THSD7B: variants seen among roughly 807,000 people sequenced by gnomAD.
THSD7B encodes thrombospondin type-1 domain-containing protein 7B.
In THSD7B, 138 loss-of-function variants were observed where a neutral mutation model predicts 213.6. The observed-to-expected ratio is 0.65, with a 90% CI of 0.56 to 0.74. The LOEUF (loss-of-function observed/expected upper bound fraction) is 0.74. Among genes scored for constraint, THSD7B ranks in the 30% least tolerant of loss-of-function variants. The pLI is 0.00. For synonymous variants in THSD7B, 742 were observed against 687.0 expected (o/e 1.08, Z -1.25); for missense variants, 1,931 against 1,991.5 (o/e 0.97, Z 0.58).
rs903614432 is a variant in THSD7B, at chr2:136,984,089, G to C, written c.140-72331G>C. ...AAAGAGAGCAAGAAAGAAAATATTG[G>C]ATAAGCACCAACAAGGGAAGTCTGT... On this transcript the variant is annotated intron_variant, in intron 2 of 27. Coordinates refer to ENST00000409968, the MANE Select transcript of THSD7B (RefSeq NM_001316349.2). Among the ~76,000 whole-genome samples the C allele has an allele frequency of 7.2e-5, 11 of 152,316 alleles. No individual in the cohort carries two copies. In the East Asian group the frequency reaches 1.5e-3, roughly 21 times the overall value.
At chr2:137,178,663 A>G (rs1370433766) in intron 7 of THSD7B, among the ~76,000 whole-genome samples, 1 of 152,228 alleles carries the variant, frequency 6.6e-6, no homozygotes, top group Admixed American at 6.5e-5. Context: ...GAGTTTCCCC[A>G]TCCACATTTG....
chr2:136,890,618 C>T (rs1683834520), intron 2 of THSD7B, among the ~76,000 whole-genome samples: 1 of 145,492 alleles, frequency 6.9e-6, no homozygotes, highest in Non-Finnish European at 1.5e-5. Flanking sequence ...CGGCTCACTG[C>T]AACCTCCACC....
intron 1 of THSD7B, among the ~76,000 whole-genome samples, chr2:136,847,949 G>T (rs1478361281): frequency 6.6e-6 from 1 of 152,126 alleles, no homozygotes; most frequent in Non-Finnish European, 1.5e-5. Flanking sequence ...AGATTCCAGT[G>T]TGCATTTAAA....
chr2:136,825,722 T>TTTTTTTTTTTGTTTTTTTTTTG, intron 1 of THSD7B, among the ~76,000 whole-genome samples: 2 of 146,564 alleles, frequency 1.4e-5, no homozygotes, highest in East Asian at 4.4e-4. Context: ...TGGCTAATTT[T>TTTTTTTTTTTGTTTTTTTTTTG]TTTTTTTTTT....
chr2:137,185,403 C>G (rs952310196), intron 7 of THSD7B, among the ~76,000 whole-genome samples: 21 of 151,992 alleles, frequency 1.4e-4, no homozygotes, highest in African/African-American at 5.1e-4. Flanking sequence ...ATCCCTTGCC[C>G]CCTTTTATAC....
At chr2:137,274,933 C>T (rs1424156898) in intron 11 of THSD7B, among the ~76,000 whole-genome samples, 1 of 152,010 alleles carries the variant, frequency 6.6e-6, no homozygotes, top group Non-Finnish European at 1.5e-5. Context: ...ATGAAGGCCA[C>T]TTGAATGAAG....
At chr2:137,272,390 C>T in intron 10 of THSD7B, 143 bp from the exon 11 acceptor site, 1 of 711,372 alleles carries the variant, frequency 1.4e-6, no homozygotes, top group East Asian at 2.9e-5. Flanking sequence ...AACTCCTGGT[C>T]TTTGCTTGTT....
rs369579882 is a variant in THSD7B, at chr2:137,261,915, CAAAAA to C, written c.2267-10603_2267-10599del. On this transcript the variant is annotated intron_variant, in intron 10 of 27. Coordinates refer to ENST00000409968, the MANE Select transcript of THSD7B (RefSeq NM_001316349.2). ...GGAAAGGACATTGAGGAAAGTTTGT[CAAAAA>C]AAAAAAAAAAAAAAGCCCAGGATTT... Among the ~76,000 whole-genome samples, 35 of 54,874 alleles carry C rather than the reference CAAAAA, an allele frequency of 6.4e-4. 1 individual carries two copies. In the South Asian group the frequency reaches 0.021, roughly 33 times the overall value. 36.0% of individuals were successfully genotyped at this position (54,874 alleles called of 152,430 possible). A position where few individuals can be genotyped will look rare whatever the true frequency, so the allele number is the denominator to read the frequency against.
At chr2:137,440,455 A>G (rs1199802599) in intron 14 of THSD7B, among the ~76,000 whole-genome samples, 3 of 141,678 alleles carry the variant, frequency 2.1e-5, no homozygotes, top group Non-Finnish European at 4.5e-5. Context: ...CCATAGCCTC[A>G]CCTTACCTTT....
chr2:137,509,056 G>C (rs1331926734), intron 15 of THSD7B, among the ~76,000 whole-genome samples: 3 of 152,102 alleles, frequency 2.0e-5, no homozygotes, highest in Admixed American at 1.3e-4. Context: ...CCTGGCCAGT[G>C]AATCATTCTC....
intron 2 of THSD7B, among the ~76,000 whole-genome samples, chr2:136,998,962 C>A (rs1228839336): frequency 8.1e-6 from 1 of 123,716 alleles, no homozygotes; most frequent in Admixed American, 7.7e-5. Context: ...ACACACACCC[C>A]TGCTTTCTTT....
At chr2:137,195,282 G>A (rs1680737252) in intron 7 of THSD7B, among the ~76,000 whole-genome samples, 1 of 151,654 alleles carries the variant, frequency 6.6e-6, no homozygotes, top group Non-Finnish European at 1.5e-5. Context: ...CTATATTTGT[G>A]TATAGACATA....
At chr2:137,311,679 C>T (rs1046267304) in intron 12 of THSD7B, among the ~76,000 whole-genome samples, 12 of 151,876 alleles carry the variant, frequency 7.9e-5, no homozygotes, top group Non-Finnish European at 1.5e-4. Context: ...AGATATGTCC[C>T]ATCAATACCT....
chr2:137,641,133 A>G (rs1682930080), intron 20 of THSD7B, among the ~76,000 whole-genome samples: 1 of 152,240 alleles, frequency 6.6e-6, no homozygotes, highest in Non-Finnish European at 1.5e-5. Context: ...CTTAGGATAT[A>G]AATGTAGAAT....
intron 2 of THSD7B, among the ~76,000 whole-genome samples, chr2:137,050,635 G>A (rs143613152): frequency 9.9e-5 from 15 of 152,276 alleles, no homozygotes; most frequent in African/African-American, 3.4e-4. Flanking sequence ...AAATCTTTAA[G>A]TGTGTGAAAA....
At chr2:136,896,376 C>CT (rs751094968) in intron 2 of THSD7B, among the ~76,000 whole-genome samples, 3 of 152,090 alleles carry the variant, frequency 2.0e-5, no homozygotes, top group Non-Finnish European at 4.4e-5. Flanking sequence ...TTATGTACAT[C>CT]TTTTTTGCAT....
intron 1 of THSD7B, among the ~76,000 whole-genome samples, chr2:136,791,696 A>G (rs1558806373): frequency 6.6e-6 from 1 of 152,104 alleles, no homozygotes; most frequent in Non-Finnish European, 1.5e-5. Context: ...TTTTCAAGGT[A>G]CATCTGTGTT....
At chr2:137,090,210 A>G (rs192456059) in intron 3 of THSD7B, among the ~76,000 whole-genome samples, 76 of 152,226 alleles carry the variant, frequency 5.0e-4, no homozygotes, top group Non-Finnish European at 7.8e-4. Flanking sequence ...TTATGTTTTT[A>G]TATCTGAAAT....
intron 1 of THSD7B, among the ~76,000 whole-genome samples, chr2:136,856,356 G>A (rs1314185801): frequency 6.6e-6 from 1 of 152,122 alleles, no homozygotes; most frequent in African/African-American, 2.4e-5. Flanking sequence ...GTGCTTGTTT[G>A]TTATGTTTCA....
Sources: allele counts gnomAD v4.1 joint callset (sites outside exome capture counted in the v4.1 genomes callset), GRCh38; gene constraint gnomAD v4.1.1; transcripts MANE v1.5; gene names NCBI Gene and HGNC (gene_info 2026-07-23, HGNC 2026-07-21).